CTPS2: variants seen among roughly 807,000 people sequenced by gnomAD.
CTPS2 encodes the protein CTP synthase II.
Under a neutral mutation model 46.8 loss-of-function variants are expected in CTPS2, and 19 were observed. The ratio of observed to expected loss-of-function variants is 0.41; its 90% confidence interval spans 0.28 to 0.60. The LOEUF (loss-of-function observed/expected upper bound fraction) is 0.60, where lower values mean the gene tolerates loss of function less well. CTPS2 is among the 20% of genes least tolerant of loss of function. The pLI is 0.35. For missense variants in CTPS2, 286 were observed against 447.6 expected (o/e 0.64, Z 3.26); for synonymous variants, 151 against 165.2 (o/e 0.91, Z 0.66).
chrX:16,654,786 T>A, intron 13 of CTPS2: 2 of 141,523 alleles, frequency 1.4e-5, no homozygotes, highest in Non-Finnish European at 1.4e-5. Context: ...AGAGGGAGGC[T>A]GAGGCAGGAA....
chrX:16,678,681 C>A (rs868548785), intron 9 of CTPS2, among the ~76,000 whole-genome samples: 31 of 110,549 alleles, frequency 2.8e-4, no homozygotes, highest in Middle Eastern at 4.6e-3. Flanking sequence ...ATGGCTATGA[C>A]AGACAAAGAA....
chrX:16,668,733 G>A (rs1479344097), intron 11 of CTPS2, among the ~76,000 whole-genome samples: 5 of 91,438 alleles, frequency 5.5e-5, no homozygotes, highest in African/African-American at 2.1e-4. Context: ...AGGGAAGGGA[G>A]AAAGAGAGAA....
At chrX:16,628,847 T>C (rs1280516555) in intron 14 of CTPS2, among the ~76,000 whole-genome samples, 1 of 111,962 alleles carries the variant, frequency 8.9e-6, no homozygotes, top group Non-Finnish European at 1.9e-5. Flanking sequence ...GACCTCATTC[T>C]TAATGCCAGG....
Position 16,712,410 on chromosome X carries a change from C to T in CTPS2, c.-115G>A, listed in dbSNP as rs767183993. 1 of 112,376 alleles carries T rather than the reference C, an allele frequency of 8.9e-6. No homozygotes were observed. Among genetic ancestry groups the T allele is most frequent in the African/African-American group, 3.2e-5 (1 of 31,020 alleles). 9.3% of individuals were successfully genotyped at this position (112,376 alleles called of 1,213,427 possible). ...TCCACCCCGCGGCTGGCCTGGCGCT[C>T]ACCTGTCGGGCTGGGGAAGGGGTCG... is the stretch of plus-strand genomic sequence containing the variant. On this transcript the variant is annotated 5_prime_UTR_variant, in exon 1 of 19. Coordinates refer to ENST00000359276, the MANE Select transcript of CTPS2 (RefSeq NM_175859.3).
At chrX:16,669,119 A>T (rs918087290) in intron 11 of CTPS2, among the ~76,000 whole-genome samples, 4 of 108,876 alleles carry the variant, frequency 3.7e-5, no homozygotes, top group Non-Finnish European at 7.7e-5. Context: ...TGGAGACTCC[A>T]CAGTGGGCTT....
intron 13 of CTPS2, chrX:16,650,936 A>G: frequency 9.9e-7 from 1 of 1,007,148 alleles, no homozygotes; most frequent in Non-Finnish European, 1.4e-6. Flanking sequence ...TCCTGCAGAC[A>G]ACCCTCAGCA....
At chrX:16,667,170 T>C (rs1291319337) in intron 13 of CTPS2, among the ~76,000 whole-genome samples, 4 of 95,238 alleles carry the variant, frequency 4.2e-5, no homozygotes, top group Admixed American at 1.2e-4. Context: ...TCTCACTCTG[T>C]CACTGAGGCT....
rs1366085362 is a variant in CTPS2, at chrX:16,589,247, C to T, written c.*570G>A. The T allele has an allele frequency of 9.0e-6, 1 of 111,619 alleles. No individual in the cohort carries two copies. The highest frequency in any genetic ancestry group is 3.3e-5 in the African/African-American group (1 of 30,723). 9.2% of individuals were successfully genotyped at this position (111,619 alleles called of 1,213,427 possible). ...ATCTTGATTCCTGAGTTTTTTGGAGCCCCCTTAAATTTTGTGCCTGAGGCA... is the reference window on the plus strand; with the variant it reads ...ATCTTGATTCCTGAGTTTTTTGGAGTCCCCTTAAATTTTGTGCCTGAGGCA... On this transcript the variant is annotated 3_prime_UTR_variant, in exon 19 of 19. Transcript: ENST00000359276.
intron 14 of CTPS2, among the ~76,000 whole-genome samples, chrX:16,636,561 C>A (rs1441836426): frequency 8.9e-6 from 1 of 111,794 alleles, no homozygotes; most frequent in Non-Finnish European, 1.9e-5. Context: ...CACAGGGTTT[C>A]TACAGGAGGT....
intron 13 of CTPS2, among the ~76,000 whole-genome samples, chrX:16,658,196 G>A (rs1476165422): frequency 1.9e-5 from 2 of 104,255 alleles, no homozygotes; most frequent in Admixed American, 1.0e-4. Flanking sequence ...AGGTGACAGA[G>A]CAAGACTCTA....
At chrX:16,709,661 C>T (rs777349569) in intron 1 of CTPS2, among the ~76,000 whole-genome samples, 26 of 108,691 alleles carry the variant, frequency 2.4e-4, no homozygotes, top group South Asian at 2.0e-3. Flanking sequence ...CCATCCTGGC[C>T]AACATGGTTA....
At chrX:16,657,776 T>C (rs891341781) in intron 13 of CTPS2, among the ~76,000 whole-genome samples, 1 of 112,041 alleles carries the variant, frequency 8.9e-6, no homozygotes, top group Non-Finnish European at 1.9e-5. Context: ...ATCAGAAAAA[T>C]ACAACTATCT....
Position 16,651,163 on chromosome X carries a change from C to A in CTPS2, c.1297-11920G>T. The A allele has an allele frequency of 3.6e-6, 4 of 1,108,498 alleles. No individual in the cohort carries two copies. In the South Asian group the frequency reaches 7.4e-5, roughly 21 times the overall value. 91.4% of individuals were successfully genotyped at this position (1,108,498 alleles called of 1,213,427 possible). On this transcript the variant is annotated intron_variant, in intron 13 of 18. Coordinates refer to ENST00000359276, the MANE Select transcript of CTPS2 (RefSeq NM_175859.3). Reference sequence around the variant, plus strand: ...CAAAGTAAGTGGCCATCCGCAGAGCCCACTTAATGGGACTGATGGTGGGAG... The same window carrying A: ...CAAAGTAAGTGGCCATCCGCAGAGCACACTTAATGGGACTGATGGTGGGAG...
At chrX:16,651,911 C>T (rs1602202084) in intron 13 of CTPS2, among the ~76,000 whole-genome samples, 2 of 110,544 alleles carry the variant, frequency 1.8e-5, no homozygotes, top group East Asian at 5.7e-4. Context: ...TCCAGGAGGG[C>T]CATGGCGACC....
chrX:16,675,504 T>C (rs899762944), intron 10 of CTPS2, among the ~76,000 whole-genome samples: 2 of 111,975 alleles, frequency 1.8e-5, no homozygotes, highest in Non-Finnish European at 3.8e-5. Context: ...TTTGTATAAA[T>C]ATGTTATTGT....
rs369972947 is a variant in CTPS2, at chrX:16,700,156, C to T, written c.167-1063G>A. On this transcript the variant is annotated intron_variant, in intron 2 of 18. Coordinates refer to ENST00000359276, the MANE Select transcript of CTPS2 (RefSeq NM_175859.3). ...ATTTTGAGACAGGGTCTCACTCTATCGCCAGGCTGGAGTGCAGTGGTGCGA... is the reference window on the plus strand; with the variant it reads ...ATTTTGAGACAGGGTCTCACTCTATTGCCAGGCTGGAGTGCAGTGGTGCGA... 7.8e-5 allele frequency among the ~76,000 whole-genome samples: 8 copies of T among 102,536 alleles called. No individual in the cohort carries two copies. The East Asian group carries it at 2.2e-3, about 29-fold the overall frequency. 89.0% of individuals were successfully genotyped at this position (102,536 alleles called of 115,157 possible).
At chrX:16,598,906 A>T (rs1929464390) in intron 17 of CTPS2, among the ~76,000 whole-genome samples, 1 of 111,939 alleles carries the variant, frequency 8.9e-6, no homozygotes. Context: ...GATTCAATAT[A>T]CGCAAATCAA....
At chrX:16,683,745 G>A (rs1922925147) in intron 8 of CTPS2, among the ~76,000 whole-genome samples, 2 of 112,286 alleles carry the variant, frequency 1.8e-5, no homozygotes, top group Non-Finnish European at 3.8e-5. Flanking sequence ...TCTTACATTG[G>A]TTAATAAGGT....
chrX:16,679,926 G>T (rs1197986948), intron 9 of CTPS2, among the ~76,000 whole-genome samples: 1 of 111,470 alleles, frequency 9.0e-6, no homozygotes, highest in Non-Finnish European at 1.9e-5. Context: ...ACAGCAGCCT[G>T]AACAGACTGA....
Sources: allele counts gnomAD v4.1 joint callset (sites outside exome capture counted in the v4.1 genomes callset), GRCh38; gene constraint gnomAD v4.1.1; transcripts MANE v1.5; gene names NCBI Gene and HGNC (gene_info 2026-07-23, HGNC 2026-07-21).